SP100: variants seen among roughly 807,000 people sequenced by gnomAD.
SP100 encodes SP100 nuclear body protein.
SP100 carries 84 observed loss-of-function variants against 130.0 expected under a neutral mutation model. The observed-to-expected ratio is 0.65, with a 90% CI of 0.54 to 0.77. The LOEUF is 0.77. SP100 is among the 30% of genes least tolerant of loss of function. The pLI is 0.00. For missense variants in SP100, 978 were observed against 1,052.2 expected (o/e 0.93, Z 0.97); for synonymous variants, 331 against 351.7 (o/e 0.94, Z 0.66).
At chr2:230,488,705 G>A (rs368307886) in intron 17 of SP100, among the ~76,000 whole-genome samples, 4 of 152,082 alleles carry the variant, frequency 2.6e-5, no homozygotes, top group Non-Finnish European at 1.5e-5. Flanking sequence ...GAGCCACAGC[G>A]CCCGGCCAAG....
chr2:230,439,531 T>C (rs2063401290), intron 2 of SP100, among the ~76,000 whole-genome samples: 1 of 151,952 alleles, frequency 6.6e-6, no homozygotes, highest in African/African-American at 2.4e-5. Flanking sequence ...GTTAGGTATA[T>C]CCTAAGGTTT....
intron 2 of SP100, 133 bp downstream of exon 2, chr2:230,417,798 G>T: frequency 5.9e-6 from 8 of 1,353,282 alleles, no homozygotes; most frequent in Non-Finnish European, 7.8e-6. Context: ...TTGCCAATAT[G>T]ATTCCGTTGA....
At chr2:230,449,810 AC>A in intron 7 of SP100, 100 bp downstream of exon 7, 2 of 1,240,886 alleles carry the variant, frequency 1.6e-6, no homozygotes, top group Non-Finnish European at 2.3e-6. Context: ...CACCTGTTTA[AC>A]AAGCAGGGGA....
At chr2:230,515,498 T>C (rs759952412) in intron 24 of SP100, 10 of 1,612,482 alleles carry the variant, frequency 6.2e-6, no homozygotes, top group African/African-American at 2.7e-5. Context: ...AAAAAGGATA[T>C]TGCTGCATAT....
intron 1 of SP100, chr2:230,416,743 A>G: frequency 3.0e-6 from 3 of 989,348 alleles, no homozygotes; most frequent in East Asian, 1.1e-4. Context: ...CACCTGGCTT[A>G]CTTTTAAACA....
At chr2:230,501,324 G>A (rs566511859) in intron 19 of SP100, among the ~76,000 whole-genome samples, 44 of 152,252 alleles carry the variant, frequency 2.9e-4, no homozygotes, top group African/African-American at 9.6e-4. Context: ...TATGGGTTTA[G>A]TCATCTCTCC....
intron 24 of SP100, chr2:230,538,463 C>T (rs894526386): frequency 6.6e-6 from 1 of 152,146 alleles, no homozygotes; most frequent in African/African-American, 2.4e-5. Flanking sequence ...AGCTCAGGCA[C>T]CCCCCTTGGA....
chr2:230,418,517 T>C (rs2062680959), intron 2 of SP100, among the ~76,000 whole-genome samples: 2 of 152,188 alleles, frequency 1.3e-5, no homozygotes, highest in South Asian at 4.1e-4. Flanking sequence ...GCTTTACAGC[T>C]CCTCTAGCCA....
At chr2:230,426,978 G>A (rs2149868707) in intron 2 of SP100, among the ~76,000 whole-genome samples, 1 of 152,130 alleles carries the variant, frequency 6.6e-6, no homozygotes, top group East Asian at 1.9e-4. Context: ...TTGATGAACT[G>A]TCCCCTTTAT....
At chr2:230,510,845 C>G in intron 23 of SP100, 2 of 474,170 alleles carry the variant, frequency 4.2e-6, no homozygotes, top group South Asian at 2.3e-5. Context: ...GTAGGAGGAC[C>G]GATAGAGTTG....
At chr2:230,447,502 C>T (rs1370139552) in intron 5 of SP100, among the ~76,000 whole-genome samples, 1 of 152,204 alleles carries the variant, frequency 6.6e-6, no homozygotes, top group Non-Finnish European at 1.5e-5. Flanking sequence ...CAGGTTGTGG[C>T]CTGTGCCTGT....
Position 230,540,907 on chromosome 2 carries a change from A to C in SP100, c.2242A>C (p.Lys748Gln), listed in dbSNP as rs940659876. Residue 748 changes from lysine (K) to glutamine (Q), a missense_variant, in exon 26 of 29, where the codon AAG becomes CAG. Coordinates refer to ENST00000340126, the MANE Select transcript of SP100 (RefSeq NM_001080391.2). ...GTGGAGTTGCATCTTCTGCAGGATA[A>C]AGACTATTCAGGAAAGATGCCCAGA... ...NPWSCIFCRI[K>Q]TIQERCPESQ... 2.5e-6 allele frequency: 4 copies of C among 1,613,432 alleles called. No homozygotes were observed. The highest frequency in any genetic ancestry group is 3.4e-6 in the Non-Finnish European group (4 of 1,179,508).
intron 8 of SP100, among the ~76,000 whole-genome samples, chr2:230,453,495 C>A (rs987646146): frequency 6.6e-6 from 1 of 152,172 alleles, no homozygotes; most frequent in Non-Finnish European, 1.5e-5. Flanking sequence ...TCTTCTATAT[C>A]TATTTTGCTG....
intron 17 of SP100, among the ~76,000 whole-genome samples, chr2:230,484,482 C>A (rs2065972760): frequency 1.3e-5 from 2 of 152,152 alleles, no homozygotes; most frequent in South Asian, 4.1e-4. Flanking sequence ...AGGGAGAACT[C>A]CCATCTTTAT....
chr2:230,463,649 G>T (rs904511009), intron 10 of SP100: 1 of 153,778 alleles, frequency 6.5e-6, no homozygotes, highest in African/African-American at 2.4e-5. Flanking sequence ...ATATGTCTTT[G>T]GCTCAAATAC....
rs910048707 is a variant in SP100 at position 230,449,725 on chromosome 2, G to A, written c.736+15G>A. On this transcript the variant is annotated intron_variant, in intron 7 of 28. Coordinates refer to ENST00000340126, the MANE Select transcript of SP100 (RefSeq NM_001080391.2). ...TGAGCCAACAGGTAAGACTGACTGG[G>A]TTGGCATGAATGGGGAGGAGCCAAG... 6.2e-7 allele frequency: 1 copy of A among 1,613,960 alleles called. No individual in the cohort carries two copies. The highest frequency in any genetic ancestry group is 1.7e-5 in the Admixed American group (1 of 60,010).
intron 17 of SP100, among the ~76,000 whole-genome samples, chr2:230,490,220 T>C (rs1314867443): frequency 2.0e-5 from 3 of 152,262 alleles, no homozygotes; most frequent in Non-Finnish European, 2.9e-5. Context: ...GCTCTTCTTG[T>C]TGAATTTTTC....
intron 19 of SP100, among the ~76,000 whole-genome samples, chr2:230,502,557 A>G (rs983102244): frequency 6.6e-6 from 1 of 152,218 alleles, no homozygotes; most frequent in Admixed American, 6.5e-5. Context: ...AATAGAGGCA[A>G]AGATCTAAGG....
At chr2:230,466,400 T>C (rs371580195) in intron 12 of SP100, 46 bp downstream of exon 12, 55 of 983,732 alleles carry the variant, frequency 5.6e-5, no homozygotes, top group Non-Finnish European at 7.3e-5. Context: ...ATAACTTCTC[T>C]TCATGGTTAT....
Sources: allele counts gnomAD v4.1 joint callset (sites outside exome capture counted in the v4.1 genomes callset), GRCh38; gene constraint gnomAD v4.1.1; transcripts MANE v1.5; gene names NCBI Gene and HGNC (gene_info 2026-07-23, HGNC 2026-07-21).